The following B3GAT3 variants were observed in gnomAD, a reference collection of about 807,000 sequenced individuals.
B3GAT3 encodes the protein galactosylgalactosylxylosylprotein 3-beta-glucuronosyltransferase 3.
B3GAT3 carries 19 observed loss-of-function variants against 33.1 expected under a neutral mutation model. The ratio of observed to expected loss-of-function variants is 0.57; its 90% CI spans 0.40 to 0.84. The LOEUF (loss-of-function observed/expected upper bound fraction) is 0.84, where lower values mean the gene tolerates loss of function less well. Among genes scored for constraint, B3GAT3 ranks in the 40% least tolerant of loss-of-function variants. B3GAT3 has a pLI of 0.00. For missense variants in B3GAT3, 344 were observed against 441.5 expected, an observed-to-expected ratio of 0.78 and a Z score of 1.98; for synonymous variants, 167 against 193.5, an observed-to-expected ratio of 0.86 and a Z score of 1.14.
chr11:62,615,677 G>T lies in B3GAT3; in HGVS notation c.*24C>A, dbSNP rs926444789. The T allele has an allele frequency of 4.3e-6, 7 of 1,609,994 alleles. No individual in the cohort carries two copies. The Admixed American group carries it at 1.0e-4, about 23-fold the overall frequency. ...CCACAAGGTCTGTGCCTGAAAAGAGGTGGTAGTTGGGGTGGGGCCGCCATC... is the reference window on the plus strand; with the variant it reads ...CCACAAGGTCTGTGCCTGAAAAGAGTTGGTAGTTGGGGTGGGGCCGCCATC... On this transcript the variant is annotated 3_prime_UTR_variant, in exon 5 of 5. Coordinates refer to ENST00000265471, the MANE Select transcript of B3GAT3 (RefSeq NM_012200.4).
intron 2 of B3GAT3, among the ~76,000 whole-genome samples, chr11:62,618,189 A>C (rs1943071588): frequency 6.6e-6 from 1 of 150,678 alleles, no homozygotes; most frequent in African/African-American, 2.4e-5. Flanking sequence ...AAAAAAAAAA[A>C]AAAAAAAAAA....
At position 62,616,543 on chromosome 11, in the gene B3GAT3, G is replaced by C. The variant is rs1943031058; in HGVS notation, c.872C>G (p.Pro291Arg). ...GGCAGCCCGTGGCTCCAGGTCCTTG[G>C]GATCCACAAGGTGGCTCAGAAGACT... is the stretch of plus-strand genomic sequence containing the variant. ...ESSLLSHLVD[P>R]KDLEPRAANC... The change falls in exon 4 of 5, where the codon CCC (proline) becomes CGC (arginine). Residue 291 changes from proline to arginine, a missense_variant. By Grantham distance (103) the Pro-to-Arg change is moderately radical. Coordinates refer to ENST00000265471, the MANE Select transcript of B3GAT3 (RefSeq NM_012200.4). The C allele has an allele frequency of 6.2e-7, 1 of 1,614,084 alleles. No homozygotes were observed. The highest frequency in any genetic ancestry group is 8.5e-7 in the Non-Finnish European group (1 of 1,180,044).
chr11:62,618,319 C>G (rs1256879744), intron 2 of B3GAT3, among the ~76,000 whole-genome samples: 1 of 151,658 alleles, frequency 6.6e-6, no homozygotes, highest in Non-Finnish European at 1.5e-5. Context: ...GCCTCAGTTT[C>G]CTCAACTGTA....
At chr11:62,617,439 C>CGG in intron 2 of B3GAT3, 92 bp from the exon 3 acceptor site, 1 of 1,567,568 alleles carries the variant, frequency 6.4e-7, no homozygotes, top group Non-Finnish European at 8.7e-7. Context: ...CCACTGCCTG[C>CGG]GTCTCCTGTG....
Position 62,616,632 on chromosome 11 carries a change from G to C in B3GAT3, c.783C>G (p.Pro261=), listed in dbSNP as rs1237189295. The C allele has an allele frequency of 1.9e-6, 3 of 1,614,214 alleles. No homozygotes were observed. The highest frequency in any genetic ancestry group is 2.5e-6 in the Non-Finnish European group (3 of 1,180,036). The change falls in exon 4 of 5, where the codon CCC becomes CCG. Residue 261 remains proline, a synonymous_variant. Transcript: ENST00000265471. ...GGGCATTGGGCTTATCTAACAGCAA[G>C]GGCAGGGCCACGGCAAATCCAGCCA... ...VDMAGFAVAL[P]LLLDKPNAQF... is the part of the protein sequence containing the mutation.
chr11:62,616,731 G>A lies in B3GAT3; in HGVS notation c.684C>T (p.Gly228=), dbSNP rs763008165. ...CTACCCGGCCGTCCTGTACCTGAGG[G>A]CCCTCGAATCGCAGGCCGCCCACCA... is the stretch of plus-strand genomic sequence containing the variant. ...VGLVGGLRFE[G]PQVQDGRVVG... The change falls in exon 4 of 5, where the codon GGC becomes GGT. Residue 228 remains glycine, a synonymous_variant. Transcript: ENST00000265471. 1 of 1,614,046 alleles carries A rather than the reference G, an allele frequency of 6.2e-7. No homozygotes were observed. Among genetic ancestry groups the A allele is most frequent in the Non-Finnish European group, 8.5e-7 (1 of 1,179,988 alleles).
In B3GAT3 at chr11:62,620,595, C is replaced by A. The variant is rs778674765; in HGVS notation, c.159G>T (p.Gln53His). 2.5e-6 allele frequency: 4 copies of A among 1,612,802 alleles called. No homozygotes were observed. In the South Asian group the frequency reaches 4.4e-5, roughly 18 times the overall value. Residue 53 changes from glutamine to histidine, a missense_variant, in exon 2 of 5, where the codon CAG becomes CAT. Gln to His is a conservative substitution (Grantham distance 24). Transcript: ENST00000265471. Reference sequence around the variant, plus strand: ...GTGGCCGTCGGAGTTCCGCTTGCAGCTGGGAAATCCTCAGATCCTTCTGCC... The same window carrying A: ...GTGGCCGTCGGAGTTCCGCTTGCAGATGGGAAATCCTCAGATCCTTCTGCC... ...QLRQKDLRIS[Q>H]LQAELRRPPP...
chr11:62,615,952 A>G, intron 4 of B3GAT3, 153 bp from the exon 5 acceptor site: 1 of 1,509,810 alleles, frequency 6.6e-7, no homozygotes, highest in Non-Finnish European at 8.8e-7. Context: ...GTGCCTCTAA[A>G]ACCGGGCCTT....
At chr11:62,619,988 T>C (rs1943114423) in intron 2 of B3GAT3, among the ~76,000 whole-genome samples, 1 of 152,194 alleles carries the variant, frequency 6.6e-6, no homozygotes, top group African/African-American at 2.4e-5. Context: ...TGTATTTTCC[T>C]TCTAGAAAAA....
chr11:62,616,526 G>A lies in B3GAT3; in HGVS notation c.889C>T (p.Arg297Trp), dbSNP rs759636773. ...CTTACCCGAGTGCAGTTGGCAGCCC[G>A]TGGCTCCAGGTCCTTGGGATCCACA... ...HLVDPKDLEP[R>W]AANCTRVLVW... Residue 297 changes from arginine (R) to tryptophan (W), a missense_variant, in exon 4 of 5, where the codon CGG (arginine) becomes TGG (tryptophan). Physicochemically the swap from Arg to Trp is moderately radical, Grantham distance 101 (BLOSUM62 -3). Coordinates refer to ENST00000265471, the MANE Select transcript of B3GAT3 (RefSeq NM_012200.4). 3.1e-6 allele frequency: 5 copies of A among 1,614,070 alleles called. No individual in the cohort carries two copies. Among genetic ancestry groups the A allele is most frequent in the Admixed American group, 3.3e-5 (2 of 60,000 alleles).
intron 2 of B3GAT3, 85 bp from the exon 3 acceptor site, chr11:62,617,432 C>CT: frequency 6.3e-7 from 1 of 1,577,334 alleles, no homozygotes. Context: ...TCCTGGGCCA[C>CT]TGCCTGCGTC....
Position 62,615,558 on chromosome 11 carries a change from C to T in B3GAT3, c.*143G>A. On this transcript the variant is annotated 3_prime_UTR_variant, in exon 5 of 5. Transcript: ENST00000265471. ...CTAGGGGAGGGGTGAAGCAGCAGGACCATGCCCTGGGCCTGGAGGGGCAGA... is the reference window on the plus strand; with the variant it reads ...CTAGGGGAGGGGTGAAGCAGCAGGATCATGCCCTGGGCCTGGAGGGGCAGA... 6.9e-7 allele frequency: 1 copy of T among 1,440,612 alleles called. No individual in the cohort carries two copies. Among genetic ancestry groups the T allele is most frequent in the Non-Finnish European group, 9.4e-7 (1 of 1,068,850 alleles). 89.2% of individuals were successfully genotyped at this position (1,440,612 alleles called of 1,614,324 possible).
rs372487178 is a variant in B3GAT3 at position 62,616,748 on chromosome 11, C to T, written c.667G>A (p.Gly223Ser). 8.7e-6 allele frequency: 14 copies of T among 1,613,852 alleles called. No homozygotes were observed. Among genetic ancestry groups the T allele is most frequent in the Non-Finnish European group, 1.2e-5 (14 of 1,179,974 alleles). Reference protein sequence around the residue: ...VSVWPVGLVGGLRFEGPQVQD... With the variant: ...VSVWPVGLVGSLRFEGPQVQD... ...ACCTGAGGGCCCTCGAATCGCAGGC[C>T]GCCCACCAGCCCCACAGGCCACACT... The change falls in exon 4 of 5, where the codon GGC becomes AGC. Residue 223 changes from glycine to serine, a missense_variant. By Grantham distance (56) the Gly-to-Ser change is moderately conservative. Transcript: ENST00000265471.
At chr11:62,615,877 T>C in intron 4 of B3GAT3, 78 bp from the exon 5 acceptor site, 2 of 1,568,142 alleles carry the variant, frequency 1.3e-6, no homozygotes, top group Non-Finnish European at 1.7e-6. Context: ...GAATGGATTC[T>C]CTAACCCTAT....
chr11:62,621,041 A>G (rs1029181988), intron 1 of B3GAT3: 1 of 488,784 alleles, frequency 2.0e-6, no homozygotes, highest in Non-Finnish European at 4.0e-6. Context: ...CCTTTTGGAC[A>G]GTCTTTCAAA....
At chr11:62,619,813 G>A (rs1943111274) in intron 2 of B3GAT3, among the ~76,000 whole-genome samples, 2 of 146,964 alleles carry the variant, frequency 1.4e-5, no homozygotes, top group Non-Finnish European at 3.0e-5. Flanking sequence ...CAAAGTGCTG[G>A]GATTACAGGC....
rs567381730 is a variant in B3GAT3, at chr11:62,616,950, C to T, written c.618+37G>A. The stretch of plus-strand genomic sequence containing the variant: ...CCAAGGTAACGAATGAAGCTGGCCG[C>T]ACCTGGTCTCTTGCCCATCCCCATC... On this transcript the variant is annotated intron_variant, in intron 3 of 4. Coordinates refer to ENST00000265471, the MANE Select transcript of B3GAT3 (RefSeq NM_012200.4). The T allele has an allele frequency of 2.5e-6, 4 of 1,614,084 alleles. No individual in the cohort carries two copies. In the African/African-American group the frequency reaches 5.3e-5, roughly 22 times the overall value.
At chr11:62,616,338 C>A in intron 4 of B3GAT3, 168 bp downstream of exon 4, 2 of 1,017,212 alleles carry the variant, frequency 2.0e-6, no homozygotes, top group Non-Finnish European at 2.9e-6. Flanking sequence ...CAGGAGACCA[C>A]TTTCCCCCGC....
intron 2 of B3GAT3, among the ~76,000 whole-genome samples, chr11:62,620,215 G>A (rs560489687): frequency 3.9e-5 from 6 of 152,158 alleles, no homozygotes; most frequent in African/African-American, 1.2e-4. Context: ...TAGAGACGGG[G>A]TTTTGCCATG....
Sources: allele counts gnomAD v4.1 joint callset (sites outside exome capture counted in the v4.1 genomes callset), GRCh38; gene constraint gnomAD v4.1.1; transcripts MANE v1.5; gene names NCBI Gene and HGNC (gene_info 2026-07-23, HGNC 2026-07-21).